The following RIF1 variants were observed in gnomAD, a reference collection of about 807,000 sequenced individuals.
The protein encoded by RIF1 is telomere-associated protein RIF1.
In RIF1, 45 loss-of-function variants were observed where a neutral mutation model predicts 247.1. The observed-to-expected ratio is 0.18, with a 90% CI of 0.14 to 0.23. The LOEUF is 0.23. Ranked by LOEUF, RIF1 falls within the 10% of genes least tolerant of loss-of-function variation. RIF1 has a pLI of 1.00. For missense variants in RIF1, 2,967 were observed against 2,862.5 expected (o/e 1.04, Z -0.83); for synonymous variants, 1,087 against 978.8 (o/e 1.11, Z -2.06).
rs761890334 is a variant in RIF1 at position 151,451,622 on chromosome 2, A to G, written c.2261A>G (p.Asp754Gly). The change falls in exon 21 of 36, where the codon GAT becomes GGT. Residue 754 changes from aspartate to glycine, a missense_variant. Asp to Gly is a moderately conservative substitution (Grantham distance 94). This residue lies in a region of RIF1 where 2,028 missense variants were observed against 1,825.6 expected (regional missense o/e 1.11). Transcript: ENST00000444746. ...DEGFSNLLFV[D>G]RIIYIITVMV... ...CTTCCCTAGAATTTGTTGTTCGTGGATAGAATTATTTATATTATTACTGTA... is the reference window on the plus strand; with the variant it reads ...CTTCCCTAGAATTTGTTGTTCGTGGGTAGAATTATTTATATTATTACTGTA... 8.3e-6 allele frequency: 12 copies of G among 1,439,536 alleles called. No individual in the cohort carries two copies. Among genetic ancestry groups the G allele is most frequent in the Middle Eastern group, 1.8e-4 (1 of 5,666 alleles). 89.2% of individuals were successfully genotyped at this position (1,439,536 alleles called of 1,614,324 possible).
intron 11 of RIF1, chr2:151,502,968 T>C: frequency 1.3e-6 from 1 of 798,518 alleles, no homozygotes; most frequent in Non-Finnish European, 2.0e-6. Context: ...GAAGGGGTTA[T>C]ATGTGAGGAG....
chr2:151,489,945 A>G, intron 9 of RIF1: 2 of 1,505,532 alleles, frequency 1.3e-6, no homozygotes, highest in Non-Finnish European at 1.8e-6. Flanking sequence ...AGAATAATTT[A>G]TTTAAGTGAG....
Position 151,492,258 on chromosome 2 carries a change from C to G in RIF1, c.*416-2971C>G, listed in dbSNP as rs202145313. On this transcript the variant is annotated intron_variant and NMD_transcript_variant, in intron 9 of 13. Coordinates refer to the RIF1 transcript ENST00000454583. Reference sequence around the variant, plus strand: ...CTGGTGTGAAGCAACCCTTGTGTTTCTCAAAGTCTTCATGATATTTCACCT... The same window carrying G: ...CTGGTGTGAAGCAACCCTTGTGTTTGTCAAAGTCTTCATGATATTTCACCT... 94 of 1,612,976 alleles carry G rather than the reference C, an allele frequency of 5.8e-5. No individual in the cohort carries two copies. In the African/African-American group the frequency reaches 1.1e-3, roughly 18 times the overall value.
intron 1 of RIF1, 117 bp downstream of exon 1, chr2:151,410,150 C>T: frequency 1.5e-6 from 1 of 666,858 alleles, no homozygotes; most frequent in South Asian, 1.6e-5. Context: ...CTCCGCCGAT[C>T]TCCTCCCTCT....
chr2:151,518,992 G>C, the RIF1 span: 2 of 1,613,386 alleles, frequency 1.2e-6, no homozygotes, highest in South Asian at 2.2e-5. Context: ...TTGTATTCAG[G>C]ACATGATTCA....
At chr2:151,527,837 ATC>A in the RIF1 span, among the ~76,000 whole-genome samples, 12 of 152,164 alleles carry the variant, frequency 7.9e-5, no homozygotes, top group African/African-American at 2.9e-4. Flanking sequence ...TGATTCTTCA[ATC>A]TCTCTAGTTC....
At chr2:151,503,462 A>G (rs754360411) in intron 12 of RIF1, 2 of 1,519,952 alleles carry the variant, frequency 1.3e-6, no homozygotes, top group Non-Finnish European at 1.8e-6. Flanking sequence ...TAATTAGAAT[A>G]CCCAGAAAGG....
At chr2:151,460,523 T>G (rs1373798935) in intron 26 of RIF1, among the ~76,000 whole-genome samples, 4 of 77,478 alleles carry the variant, frequency 5.2e-5, no homozygotes, top group Admixed American at 3.2e-4. Context: ...AAGACACCTA[T>G]GTTCTTATCA....
At position 151,462,425 on chromosome 2, in the gene RIF1, T is replaced by G; in HGVS notation, c.3322T>G (p.Leu1108Val). The change falls in exon 29 of 36, where the codon TTA becomes GTA. Residue 1108 changes from leucine to valine, a missense_variant. Leu to Val is a conservative substitution (Grantham distance 32, BLOSUM62 1). Coordinates refer to ENST00000444746, the MANE Select transcript of RIF1 (RefSeq NM_018151.5). ...TATTTATTTCAGGGAAATTCCTACTTTAACCAGAAAACCAAAGGAGGATTC... is the reference window on the plus strand; with the variant it reads ...TATTTATTTCAGGGAAATTCCTACTGTAACCAGAAAACCAAAGGAGGATTC... ...SQEEPMEIPT[L>V]TRKPKEDSKM... The G allele has an allele frequency of 6.4e-7, 1 of 1,554,180 alleles. No homozygotes were observed. Among genetic ancestry groups the G allele is most frequent in the Non-Finnish European group, 8.7e-7 (1 of 1,146,066 alleles).
chr2:151,431,648 A>G (rs1485448721), intron 9 of RIF1, among the ~76,000 whole-genome samples: 2 of 152,180 alleles, frequency 1.3e-5, no homozygotes, highest in African/African-American at 4.8e-5. Flanking sequence ...TTGGACGGGC[A>G]TGGTGGCACA....
the RIF1 span, among the ~76,000 whole-genome samples, chr2:151,533,869 A>G: frequency 2.0e-5 from 3 of 152,334 alleles, no homozygotes; most frequent in Middle Eastern, 3.4e-3. Context: ...CTTTCCTTCC[A>G]TTAATTTTTG....
At chr2:151,514,800 A>C in the RIF1 span, 1 of 1,509,160 alleles carries the variant, frequency 6.6e-7, no homozygotes, top group Non-Finnish European at 9.0e-7. Context: ...GGGAAAGAAA[A>C]GACCAAGTGG....
At chr2:151,474,145 T>TA in intron 35 of RIF1, 73 bp downstream of exon 35, 1 of 779,436 alleles carries the variant, frequency 1.3e-6, no homozygotes. Context: ...TTATTTTTTT[T>TA]AGTCTGATTT....
At chr2:151,524,490 G>A in the RIF1 span, 1 of 1,613,002 alleles carries the variant, frequency 6.2e-7, no homozygotes, top group Non-Finnish European at 8.5e-7. Context: ...GTTGGGGACT[G>A]GGGACATTTT....
intron 8 of RIF1, among the ~76,000 whole-genome samples, chr2:151,424,971 A>G (rs902021664): frequency 7.9e-5 from 12 of 151,406 alleles, no homozygotes; most frequent in African/African-American, 2.7e-4. Context: ...AGCCACTTGA[A>G]CCAGCCAGCA....
chr2:151,444,875 G>A (rs1369466993), intron 18 of RIF1, among the ~76,000 whole-genome samples: 1 of 152,150 alleles, frequency 6.6e-6, no homozygotes, highest in African/African-American at 2.4e-5. Flanking sequence ...AAACTACAGG[G>A]ATTTATTCTC....
the RIF1 span, among the ~76,000 whole-genome samples, chr2:151,519,230 T>G: frequency 6.6e-6 from 1 of 152,204 alleles, no homozygotes; most frequent in Admixed American, 6.5e-5. Flanking sequence ...AACCCAAGTG[T>G]CTGTCAGCAG....
Position 151,461,161 on chromosome 2 carries a change from A to G in RIF1, c.3099A>G (p.Leu1033=). 1 of 1,609,970 alleles carries G rather than the reference A, an allele frequency of 6.2e-7. No homozygotes were observed. The highest frequency in any genetic ancestry group is 8.5e-7 in the Non-Finnish European group (1 of 1,179,074). ...AAKLKLESSS[L]KVKGEILLEE... is the part of the protein sequence containing the mutation. The stretch of plus-strand genomic sequence containing the variant: ...AGCTGAAACTTGAATCTTCGTCTTT[A>G]AAAGTAAAGGGTGAAATTCTTTTGG... Residue 1033 remains leucine (L), a synonymous_variant, in exon 27 of 36, where the codon TTA becomes TTG. Transcript: ENST00000444746.
At chr2:151,494,638 TTTTTG>T (rs967541991) in intron 9 of RIF1, among the ~76,000 whole-genome samples, 10 of 152,220 alleles carry the variant, frequency 6.6e-5, no homozygotes, top group Non-Finnish European at 1.5e-4. Context: ...TGTTTGTTTT[TTTTTG>T]TTTTGTTTTG....
Sources: gnomAD v4.1 joint callset for allele counts (sites outside exome capture counted in the v4.1 genomes callset) on GRCh38, gnomAD v4.1.1 for gene constraint, gnomAD v4.1.1 regional missense constraint, MANE v1.5 for transcripts, NCBI Gene and HGNC (gene_info 2026-07-23, HGNC 2026-07-21) for gene names.